The following PKD1L1 variants were observed in gnomAD, a reference collection of about 807,000 sequenced individuals.
The protein encoded by PKD1L1 is polycystin-1-like protein 1.
A neutral mutation model predicts 323.4 loss-of-function variants in PKD1L1; 236 were observed. The ratio of observed to expected loss-of-function variants is 0.73; its 90% confidence interval spans 0.66 to 0.81. The LOEUF (loss-of-function observed/expected upper bound fraction) is 0.81. Ranked by LOEUF, PKD1L1 falls within the 40% of genes least tolerant of loss-of-function variation. PKD1L1 has a pLI of 0.00. For missense variants in PKD1L1, 3,320 were observed against 3,508.0 expected (o/e 0.95, Z 1.35); for synonymous variants, 1,344 against 1,335.0 (o/e 1.01, Z -0.15).
intron 33 of PKD1L1, among the ~76,000 whole-genome samples, chr7:47,844,624 T>C (rs1249889635): frequency 2.0e-5 from 3 of 152,232 alleles, no homozygotes; most frequent in Non-Finnish European, 4.4e-5. Flanking sequence ...ATAATTAGGC[T>C]GTGACAATAA....
intron 7 of PKD1L1, among the ~76,000 whole-genome samples, chr7:47,921,810 G>A (rs1244844177): frequency 6.6e-6 from 1 of 152,136 alleles, no homozygotes; most frequent in Non-Finnish European, 1.5e-5. Flanking sequence ...AACATCGTAT[G>A]TTCTCACTTA....
Position 47,834,332 on chromosome 7 carries a change from G to A in PKD1L1, c.6174+7C>T. ...AGATTAGCTGCTGCGCATAATGATT[G>A]ATTTACCTTGCGTGGCTCCTGTGCG... On this transcript the variant is annotated splice_region_variant and intron_variant, in intron 40 of 56. Coordinates refer to ENST00000289672, the MANE Select transcript of PKD1L1 (RefSeq NM_138295.5). The A allele has an allele frequency of 3.7e-6, 6 of 1,612,880 alleles. No homozygotes were observed. The highest frequency in any genetic ancestry group is 5.1e-6 in the Non-Finnish European group (6 of 1,178,974).
chr7:47,810,749 C>T (rs1784875595), intron 50 of PKD1L1, among the ~76,000 whole-genome samples: 1 of 152,222 alleles, frequency 6.6e-6, no homozygotes, highest in African/African-American at 2.4e-5. Flanking sequence ...CAAGGAATAA[C>T]TCAGAGTGAC....
At chr7:47,936,702 A>T (rs1370697711) in intron 4 of PKD1L1, 144 bp downstream of exon 4, 1 of 625,560 alleles carries the variant, frequency 1.6e-6, no homozygotes, top group African/African-American at 1.9e-5. Flanking sequence ...TCTTTTTTCC[A>T]TCAATTTAAG....
intron 36 of PKD1L1, among the ~76,000 whole-genome samples, chr7:47,838,011 C>T (rs886437689): frequency 1.3e-5 from 2 of 152,202 alleles, no homozygotes; most frequent in African/African-American, 2.4e-5. Context: ...ACAAAAAGCT[C>T]TCAAGCACAA....
intron 41 of PKD1L1, among the ~76,000 whole-genome samples, chr7:47,831,829 C>A (rs1785354540): frequency 6.6e-6 from 1 of 152,234 alleles, no homozygotes; most frequent in South Asian, 2.1e-4. Flanking sequence ...AGACCCCAAA[C>A]AACTAAGCAG....
chr7:47,897,298 T>C (rs1786977351), intron 14 of PKD1L1, among the ~76,000 whole-genome samples: 1 of 152,216 alleles, frequency 6.6e-6, no homozygotes, highest in Non-Finnish European at 1.5e-5. Context: ...GCTCCTTCGC[T>C]GCAGATATTC....
intron 52 of PKD1L1, among the ~76,000 whole-genome samples, chr7:47,805,107 A>G (rs1371522194): frequency 6.6e-6 from 1 of 152,096 alleles, no homozygotes; most frequent in Non-Finnish European, 1.5e-5. Flanking sequence ...ACACACACAC[A>G]CACACACACA....
chr7:47,823,761 T>C (rs1434644201), intron 45 of PKD1L1, among the ~76,000 whole-genome samples: 1 of 152,234 alleles, frequency 6.6e-6, no homozygotes, highest in African/African-American at 2.4e-5. Flanking sequence ...CCCCATTCAT[T>C]AGCTGGAATT....
At chr7:47,810,213 G>T (rs983676310) in intron 50 of PKD1L1, among the ~76,000 whole-genome samples, 1 of 152,126 alleles carries the variant, frequency 6.6e-6, no homozygotes, top group East Asian at 1.9e-4. Flanking sequence ...CCATTGGCCC[G>T]CTGTAAGGAG....
chr7:47,954,589 G>A, the PKD1L1 span, among the ~76,000 whole-genome samples: 2 of 144,044 alleles, frequency 1.4e-5, no homozygotes, highest in Non-Finnish European at 1.5e-5. Context: ...GGACACCCCA[G>A]CCCCTAAAAC....
chr7:47,931,241 A>C lies in PKD1L1; in HGVS notation c.600T>G (p.Cys200Trp), dbSNP rs776427935. 36 of 1,614,144 alleles carry C rather than the reference A, an allele frequency of 2.2e-5. No homozygotes were observed. The East Asian group carries it at 7.3e-4, about 33-fold the overall frequency. Residue 200 changes from cysteine (C) to tryptophan (W), a missense_variant, in exon 6 of 57, where the codon TGT becomes TGG. Coordinates refer to ENST00000289672, the MANE Select transcript of PKD1L1 (RefSeq NM_138295.5). Reference protein sequence around the residue: ...ASCCVLRLLCCAEDVATGLLP... With the variant: ...ASCCVLRLLCWAEDVATGLLP... ...GCAGCCCCGTGGCCACATCCTCCGCACAGCACAGCAGTCTCAGGACACAGC... is the reference window on the plus strand; with the variant it reads ...GCAGCCCCGTGGCCACATCCTCCGCCCAGCACAGCAGTCTCAGGACACAGC...
intron 56 of PKD1L1, among the ~76,000 whole-genome samples, chr7:47,786,233 T>C (rs1183041905): frequency 1.3e-5 from 2 of 152,238 alleles, no homozygotes; most frequent in Non-Finnish European, 2.9e-5. Context: ...GACAGTCACC[T>C]GTGACGGGGG....
At chr7:47,907,515 G>A (rs549783884) in intron 9 of PKD1L1, among the ~76,000 whole-genome samples, 14 of 152,330 alleles carry the variant, frequency 9.2e-5, no homozygotes, top group Admixed American at 6.5e-4. Flanking sequence ...TGCGGATAAA[G>A]TGGGGTGACA....
intron 13 of PKD1L1, among the ~76,000 whole-genome samples, chr7:47,900,273 C>T (rs761384198): frequency 2.0e-5 from 3 of 152,128 alleles, no homozygotes; most frequent in Non-Finnish European, 4.4e-5. Context: ...GTTGGTCCCT[C>T]AGAGCGGACA....
At position 47,905,728 on chromosome 7, in the gene PKD1L1, T is replaced by C. The variant is rs1191977801; in HGVS notation, c.1522+115A>G. On this transcript the variant is annotated intron_variant, in intron 10 of 56. Coordinates refer to ENST00000289672, the MANE Select transcript of PKD1L1 (RefSeq NM_138295.5). ...AACAAAGAACCTGTTCAATGACAAATGGGGCTCTCCAGCAGAGCCGATAAC... is the reference window on the plus strand; with the variant it reads ...AACAAAGAACCTGTTCAATGACAAACGGGGCTCTCCAGCAGAGCCGATAAC... 4 of 1,389,970 alleles carry C rather than the reference T, an allele frequency of 2.9e-6. No homozygotes were observed. In the East Asian group the frequency reaches 9.5e-5, roughly 33 times the overall value. 86.1% of individuals were successfully genotyped at this position (1,389,970 alleles called of 1,614,324 possible).
chr7:47,864,156 T>C (rs1305652539), intron 26 of PKD1L1, among the ~76,000 whole-genome samples: 1 of 152,034 alleles, frequency 6.6e-6, no homozygotes, highest in Non-Finnish European at 1.5e-5. Context: ...AGGCTAGGCG[T>C]TGTCCAACAC....
chr7:47,931,888 C>T, intron 5 of PKD1L1, 48 bp downstream of exon 5: 1 of 1,582,892 alleles, frequency 6.3e-7, no homozygotes. Context: ...ATCAGATGCT[C>T]ACCAGCAGCT....
chr7:47,881,434 C>T (rs908098127), intron 20 of PKD1L1, among the ~76,000 whole-genome samples: 1 of 152,096 alleles, frequency 6.6e-6, no homozygotes, highest in Admixed American at 6.5e-5. Context: ...CCAGATCCTC[C>T]CCAAGAGGTC....
Sources: gnomAD v4.1 joint callset for allele counts (sites outside exome capture counted in the v4.1 genomes callset) on GRCh38, gnomAD v4.1.1 for gene constraint, MANE v1.5 for transcripts, NCBI Gene and HGNC (gene_info 2026-07-23, HGNC 2026-07-21) for gene names.